Variants in CDC42BPA observed in about 807,000 individuals in gnomAD.
The protein encoded by CDC42BPA is CDC42 binding protein kinase alpha, also known as serine/threonine-protein kinase MRCK alpha.
In CDC42BPA, 80 loss-of-function variants were observed where a neutral mutation model predicts 223.5. The ratio of observed to expected loss-of-function variants is 0.36; its 90% CI spans 0.30 to 0.43. The LOEUF (loss-of-function observed/expected upper bound fraction) is 0.43, where lower values mean the gene tolerates loss of function less well. Ranked by LOEUF, CDC42BPA falls within the 20% of genes least tolerant of loss-of-function variation. The probability of loss-of-function intolerance (pLI) is 1.00; values close to 1 mark genes in which losing one functional copy is unlikely to be tolerated. For synonymous variants in CDC42BPA, 694 were observed against 718.6 expected, an observed-to-expected ratio of 0.97 and a Z score of 0.55; for missense variants, 1,743 against 2,099.9, an observed-to-expected ratio of 0.83 and a Z score of 3.32.
At chr1:227,202,043 G>C (rs1280631091) in intron 3 of CDC42BPA, among the ~76,000 whole-genome samples, 2 of 152,132 alleles carry the variant, frequency 1.3e-5, no homozygotes, top group Admixed American at 6.5e-5. Flanking sequence ...GAGTGCAGTG[G>C]CGTGATCTCA....
intron 11 of CDC42BPA, among the ~76,000 whole-genome samples, chr1:227,120,382 A>G (rs1688460982): frequency 6.6e-6 from 1 of 152,196 alleles, no homozygotes; most frequent in South Asian, 2.1e-4. Context: ...TTTCACCACT[A>G]TTTATCTGAA....
At chr1:227,071,954 C>T (rs1166201333) in intron 20 of CDC42BPA, among the ~76,000 whole-genome samples, 2 of 151,670 alleles carry the variant, frequency 1.3e-5, no homozygotes, top group African/African-American at 4.8e-5. Flanking sequence ...AAATTTATGG[C>T]AAAGTGTCTT....
intron 2 of CDC42BPA, among the ~76,000 whole-genome samples, chr1:227,240,429 C>CA (rs1250917553): frequency 6.6e-6 from 1 of 151,868 alleles, no homozygotes; most frequent in Non-Finnish European, 1.5e-5. Context: ...TTCTAAAATG[C>CA]AAAAGTCTTC....
intron 34 of CDC42BPA, among the ~76,000 whole-genome samples, chr1:227,014,790 A>C (rs1313050421): frequency 2.0e-5 from 3 of 152,198 alleles, no homozygotes; most frequent in African/African-American, 7.2e-5. Context: ...AAAATTTAGC[A>C]GCTATCACTA....
At chr1:227,168,652 C>A (rs140274467) in intron 5 of CDC42BPA, among the ~76,000 whole-genome samples, 5 of 151,894 alleles carry the variant, frequency 3.3e-5, no homozygotes, top group Non-Finnish European at 7.4e-5. Flanking sequence ...CCTGCCACCA[C>A]GTCCGGCTAA....
At chr1:227,040,585 T>C (rs982409325) in intron 23 of CDC42BPA, among the ~76,000 whole-genome samples, 1 of 152,184 alleles carries the variant, frequency 6.6e-6, no homozygotes, top group African/African-American at 2.4e-5. Context: ...AAGTAAAATA[T>C]TGCATATTTA....
At chr1:227,005,611 T>C (rs960552207) in intron 34 of CDC42BPA, among the ~76,000 whole-genome samples, 1 of 152,238 alleles carries the variant, frequency 6.6e-6, no homozygotes, top group African/African-American at 2.4e-5. Flanking sequence ...GCATCTTTAC[T>C]GACTCACACC....
intron 22 of CDC42BPA, among the ~76,000 whole-genome samples, chr1:227,048,753 G>GA (rs34655609): frequency 0.53 from 59,305 of 112,294 alleles, 14,703 homozygotes; most frequent in East Asian, 0.74. Context: ...AAAGTAGTGA[G>GA]AAAAAAAAAA....
intron 3 of CDC42BPA, among the ~76,000 whole-genome samples, chr1:227,211,952 A>T (rs1673992629): frequency 6.6e-6 from 1 of 152,208 alleles, no homozygotes; most frequent in African/African-American, 2.4e-5. Context: ...TAGTATTTTA[A>T]AAGTAATAAT....
At chr1:227,185,377 C>T (rs762103530) in intron 5 of CDC42BPA, among the ~76,000 whole-genome samples, 10 of 152,158 alleles carry the variant, frequency 6.6e-5, no homozygotes, top group Non-Finnish European at 1.0e-4. Flanking sequence ...CGATTCCCAC[C>T]GTTGTCCTCT....
chr1:227,005,999 T>C (rs1663960187), intron 34 of CDC42BPA, among the ~76,000 whole-genome samples: 2 of 152,206 alleles, frequency 1.3e-5, no homozygotes, highest in Non-Finnish European at 2.9e-5. Context: ...GGATGAGATG[T>C]TGGGGCTGAC....
chr1:227,253,731 C>T (rs1572656728), intron 2 of CDC42BPA, among the ~76,000 whole-genome samples: 1 of 151,856 alleles, frequency 6.6e-6, no homozygotes, highest in South Asian at 2.1e-4. Context: ...AGAGTATATA[C>T]ACTACCAGGT....
At chr1:227,021,216 C>T (rs1048579674) in intron 32 of CDC42BPA, among the ~76,000 whole-genome samples, 24 of 152,252 alleles carry the variant, frequency 1.6e-4, no homozygotes, top group Non-Finnish European at 2.5e-4. Context: ...TCAACACGCG[C>T]TGTTGGGAAA....
intron 3 of CDC42BPA, among the ~76,000 whole-genome samples, chr1:227,206,472 G>A (rs1448755693): frequency 6.6e-6 from 1 of 152,034 alleles, no homozygotes; most frequent in African/African-American, 2.4e-5. Flanking sequence ...ACAGAATAAG[G>A]TAAATAAGTT....
chr1:227,264,658 C>T (rs2718214), intron 1 of CDC42BPA: 452,936 of 549,784 alleles, frequency 0.82, 187,317 homozygotes, highest in East Asian at 0.89. Flanking sequence ...CTAAGTTTTA[C>T]CAGTTTTAAA....
chr1:227,139,266 G>A (rs1659233471), intron 10 of CDC42BPA, among the ~76,000 whole-genome samples: 1 of 152,016 alleles, frequency 6.6e-6, no homozygotes, highest in African/African-American at 2.4e-5. Flanking sequence ...AAATAATATA[G>A]GAAAAGTCAT....
At chr1:227,126,126 T>G (rs1689537226) in intron 11 of CDC42BPA, among the ~76,000 whole-genome samples, 1 of 152,022 alleles carries the variant, frequency 6.6e-6, no homozygotes, top group Non-Finnish European at 1.5e-5. Context: ...AAGCACTGGC[T>G]TACAAACTTA....
At chr1:227,030,384 C>CAA (rs34370338) in intron 29 of CDC42BPA, 24 bp downstream of exon 29, 126 of 1,169,846 alleles carry the variant, frequency 1.1e-4, no homozygotes, top group Admixed American at 1.5e-4. Context: ...AAAATTACTC[C>CAA]AAAAAAAAAA....
intron 3 of CDC42BPA, among the ~76,000 whole-genome samples, chr1:227,205,182 T>A (rs149761753): frequency 2.7e-5 from 4 of 149,410 alleles, no homozygotes; most frequent in African/African-American, 9.9e-5. Flanking sequence ...GGCAGGAGAA[T>A]CACTTGAACC....
Sources: allele counts gnomAD v4.1 joint callset (sites outside exome capture counted in the v4.1 genomes callset), GRCh38; gene constraint gnomAD v4.1.1; transcripts MANE v1.5; gene names NCBI Gene and HGNC (gene_info 2026-07-23, HGNC 2026-07-21).